VWA7: variants seen among roughly 807,000 people sequenced by gnomAD.
VWA7 encodes the protein von Willebrand factor A domain-containing protein 7.
Under a neutral mutation model 83.1 loss-of-function variants are expected in VWA7, and 66 were observed. The observed-to-expected ratio is 0.79, with a 90% CI of 0.65 to 0.98. VWA7 has a LOEUF of 0.98. VWA7 is among the 50% of genes least tolerant of loss of function. The probability of loss-of-function intolerance (pLI) is 0.00; values close to 1 mark genes in which losing one functional copy is unlikely to be tolerated. For synonymous variants in VWA7, 424 were observed against 488.5 expected, an observed-to-expected ratio of 0.87 and a Z score of 1.74; for missense variants, 1,080 against 1,160.2, an observed-to-expected ratio of 0.93 and a Z score of 1.00.
In VWA7 at chr6:31,767,515, C is replaced by G; in HGVS notation, c.1637-1G>C. On this transcript the variant is annotated splice_acceptor_variant, in intron 11 of 16. Coordinates refer to ENST00000375688, the MANE Select transcript of VWA7 (RefSeq NM_025258.3). LOFTEE classifies it high-confidence loss of function. ...CCTTCCTCCTGGCCCTGGGAGACCC[C>G]TGGGGTCAGGGAAGAGATTGTCACA... 1 of 1,607,634 alleles carries G rather than the reference C, an allele frequency of 6.2e-7. No individual in the cohort carries two copies.
chr6:31,766,578 G>A lies in VWA7; in HGVS notation c.2069C>T (p.Thr690Met), dbSNP rs769145070. Residue 690 changes from threonine to methionine, a missense_variant, in exon 14 of 17, where the codon ACG becomes ATG. Coordinates refer to ENST00000375688, the MANE Select transcript of VWA7 (RefSeq NM_025258.3). The surrounding 1 kb of genome is among the most constrained non-coding windows in gnomAD (Gnocchi z 4.9). ...GAAGGGTCTAGGGGTGGACAGCAGC[G>A]TGGGCGACAGCGAGGCTGCGAGGAG... ...RGLLAASLSP[T>M]LLSTPRPFSL... 62 of 1,612,872 alleles carry A rather than the reference G, an allele frequency of 3.8e-5. No homozygotes were observed. The highest frequency in any genetic ancestry group is 3.5e-4 in the South Asian group (32 of 91,092).
chr6:31,776,701 A>G lies in VWA7; in HGVS notation c.79T>C (p.Ser27Pro). ...CTCCAGATGTTGGGGAAGAAGGCAG[A>G]TGTGGGGGGCAGCAACAGCTGCAGC... ...LLLQLLLPPT[S>P]AFFPNIWSLL... The change falls in exon 2 of 17, where the codon TCT becomes CCT. Residue 27 changes from serine to proline, a missense_variant. Coordinates refer to ENST00000375688, the MANE Select transcript of VWA7 (RefSeq NM_025258.3). This position sits in a 1 kb window ranked among gnomAD's most constrained non-coding sequence, Gnocchi z 6.2. 1.3e-6 allele frequency: 2 copies of G among 1,510,484 alleles called. No homozygotes were observed. Among genetic ancestry groups the G allele is most frequent in the Non-Finnish European group, 1.8e-6 (2 of 1,125,646 alleles). The allele number at this position is 1,510,484 out of a possible 1,614,324, so 93.6% of individuals were successfully genotyped here.
At position 31,773,196 on chromosome 6, in the gene VWA7, A is replaced by G; in HGVS notation, c.917+46T>C. On this transcript the variant is annotated intron_variant, in intron 6 of 16. Coordinates refer to ENST00000375688, the MANE Select transcript of VWA7 (RefSeq NM_025258.3). The surrounding 1 kb of genome is among the most constrained non-coding windows in gnomAD (Gnocchi z 5.3). ...CAGCGCCTGGTTTCTCCCTTCCCGC[A>G]GGAGCGCCTCCCCATGAAGGGGTCC... 1 of 1,590,272 alleles carries G rather than the reference A, an allele frequency of 6.3e-7. No homozygotes were observed.
Position 31,773,175 on chromosome 6 carries a change from G to A in VWA7, c.918-52C>T, listed in dbSNP as rs575777619. 4.8e-5 allele frequency: 77 copies of A among 1,593,656 alleles called. No homozygotes were observed. The African/African-American group carries it at 6.8e-4, about 14-fold the overall frequency. Reference sequence around the variant, plus strand: ...AAGGGCCTGCACGTTTGTCCCCAGCGCCTGGTTTCTCCCTTCCCGCAGGAG... The same window carrying A: ...AAGGGCCTGCACGTTTGTCCCCAGCACCTGGTTTCTCCCTTCCCGCAGGAG... On this transcript the variant is annotated intron_variant, in intron 6 of 16. Transcript: ENST00000375688. The surrounding 1 kb of genome is among the most constrained non-coding windows in gnomAD (Gnocchi z 5.3).
rs1812698911 is a variant in VWA7 at position 31,776,467 on chromosome 6, A to G, written c.234+79T>C. 7 of 1,351,338 alleles carry G rather than the reference A, an allele frequency of 5.2e-6. No individual in the cohort carries two copies. The South Asian group carries it at 1.0e-4, about 19-fold the overall frequency. 83.7% of individuals were successfully genotyped at this position (1,351,338 alleles called of 1,614,324 possible). A position where few individuals can be genotyped will look rare whatever the true frequency, so the allele number is the denominator to read the frequency against. On this transcript the variant is annotated intron_variant, in intron 2 of 16. Coordinates refer to ENST00000375688, the MANE Select transcript of VWA7 (RefSeq NM_025258.3). The surrounding 1 kb of genome is among the most constrained non-coding windows in gnomAD (Gnocchi z 6.2). ...GGCCATGGGTGTCTCTTCTCTTGGC[A>G]ACCAGAGCCCTCAAGGAGTAGAGGC...
rs772913115 is a variant in VWA7, at chr6:31,769,013, C to T, written c.1503+5G>A. The T allele has an allele frequency of 6.2e-7, 1 of 1,608,098 alleles. No homozygotes were observed. Among genetic ancestry groups the T allele is most frequent in the Non-Finnish European group, 8.5e-7 (1 of 1,177,852 alleles). The stretch of plus-strand genomic sequence containing the variant: ...TCCTAAGTGAGGGCCCTGGCCCCCA[C>T]TTACCAGGGCAGCCATGCTCTCCCC... On this transcript the variant is annotated splice_donor_5th_base_variant and intron_variant, in intron 10 of 16. Transcript: ENST00000375688. This position sits in a 1 kb window ranked among gnomAD's most constrained non-coding sequence, Gnocchi z 4.5.
rs2151394529 is a variant in VWA7 at position 31,769,401 on chromosome 6, T to C, written c.1318-198A>G. The stretch of plus-strand genomic sequence containing the variant: ...TAGTAGTTGGCCACCCCCTTGTAAC[T>C]GTCACAGTGGATTTTTGGCGACTAG... On this transcript the variant is annotated intron_variant, in intron 9 of 16. Transcript: ENST00000375688. The surrounding 1 kb of genome is among the most constrained non-coding windows in gnomAD (Gnocchi z 4.5). Among the ~76,000 whole-genome samples the C allele has an allele frequency of 6.6e-6, 1 of 152,336 alleles. No homozygotes were observed. Among genetic ancestry groups the C allele is most frequent in the African/African-American group, 2.4e-5 (1 of 41,574 alleles).
At position 31,766,140 on chromosome 6, in the gene VWA7, AGAG is replaced by A. The variant is rs1170990921; in HGVS notation, c.2325-86_2325-84del. ...GACGCCTGCAGGGGCACGGGAGCGG[AGAG>A]GAGGATTCTGAGGGCCAGTCGGAGG... On this transcript the variant is annotated intron_variant, in intron 15 of 16. Coordinates refer to ENST00000375688, the MANE Select transcript of VWA7 (RefSeq NM_025258.3). This position sits in a 1 kb window ranked among gnomAD's most constrained non-coding sequence, Gnocchi z 4.9. 80 of 1,594,902 alleles carry A rather than the reference AGAG, an allele frequency of 5.0e-5. No individual in the cohort carries two copies. Among genetic ancestry groups the A allele is most frequent in the Non-Finnish European group, 6.5e-5 (76 of 1,169,588 alleles).
chr6:31,772,579 CTTTTCT>C (rs1812286173), intron 7 of VWA7, among the ~76,000 whole-genome samples: 1 of 72,004 alleles, frequency 1.4e-5, no homozygotes, highest in Non-Finnish European at 2.7e-5. Flanking sequence ...TTTTTTCTTT[CTTTTCT>C]TTTTTTTTTT....
In VWA7 at chr6:31,769,759, A is replaced by C. The variant is rs892910509; in HGVS notation, c.1233T>G (p.Asp411Glu). ...LALLHTPPLS[D>E]IFVFTDASPK... ...GGGAGGCATCCGTGAAGACAAAGAT[A>C]TCTGAGAGTGGAGGTGTGTGCAGCA... The change falls in exon 9 of 17, where the codon GAT becomes GAG. Residue 411 changes from aspartate (D) to glutamate (E), a missense_variant. By Grantham distance (45) the Asp-to-Glu change is conservative. Coordinates refer to ENST00000375688, the MANE Select transcript of VWA7 (RefSeq NM_025258.3). This position sits in a 1 kb window ranked among gnomAD's most constrained non-coding sequence, Gnocchi z 4.5. 16 of 1,613,134 alleles carry C rather than the reference A, an allele frequency of 9.9e-6. No individual in the cohort carries two copies. The highest frequency in any genetic ancestry group is 1.4e-5 in the Non-Finnish European group (16 of 1,180,040).
At position 31,773,570 on chromosome 6, in the gene VWA7, G is replaced by A. The variant is rs1333802673; in HGVS notation, c.722-133C>T. 3.1e-5 allele frequency: 29 copies of A among 943,274 alleles called. No individual in the cohort carries two copies. The highest frequency in any genetic ancestry group is 4.0e-5 in the Non-Finnish European group (26 of 655,590). 58.4% of individuals were successfully genotyped at this position (943,274 alleles called of 1,614,324 possible). A position where few individuals can be genotyped will look rare whatever the true frequency, so the allele number is the denominator to read the frequency against. On this transcript the variant is annotated intron_variant, in intron 5 of 16. Coordinates refer to ENST00000375688, the MANE Select transcript of VWA7 (RefSeq NM_025258.3). The surrounding 1 kb of genome is among the most constrained non-coding windows in gnomAD (Gnocchi z 5.3). ...TTCAGCAAGAAATGATGACGGGGTT[G>A]GCGCGGTGGCTCACGCCTGGAATCC...
At position 31,775,574 on chromosome 6, in the gene VWA7, C is replaced by G; in HGVS notation, c.514-145G>C. On this transcript the variant is annotated intron_variant, in intron 3 of 16. Transcript: ENST00000375688. The surrounding 1 kb of genome is among the most constrained non-coding windows in gnomAD (Gnocchi z 5.9). ...GCTCCCACCAGACACCCCAAGTCCC[C>G]TCCACTGCCCTCTCTCCATTGCTCA... The G allele has an allele frequency of 1.5e-6, 1 of 678,276 alleles. No homozygotes were observed. The highest frequency in any genetic ancestry group is 2.7e-5 in the East Asian group (1 of 36,464). 42.0% of individuals were successfully genotyped at this position (678,276 alleles called of 1,614,324 possible). A position where few individuals can be genotyped will look rare whatever the true frequency, so the allele number is the denominator to read the frequency against.
chr6:31,769,164 C>A lies in VWA7; in HGVS notation c.1357G>T (p.Gly453Cys), dbSNP rs775892596. The part of the protein sequence containing the change: ...LVTEDTSRVQ[G>C]RARREILSPL... ...GACAAGATCTCACGCCGAGCTCGAC[C>A]CTGAACCCTTGATGTATCTTCAGTC... The change falls in exon 10 of 17, where the codon GGT (glycine) becomes TGT (cysteine). Residue 453 changes from glycine to cysteine, a missense_variant. Transcript: ENST00000375688. The surrounding 1 kb of genome is among the most constrained non-coding windows in gnomAD (Gnocchi z 4.5). 2.5e-6 allele frequency: 4 copies of A among 1,613,070 alleles called. No homozygotes were observed. The highest frequency in any genetic ancestry group is 3.4e-6 in the Non-Finnish European group (4 of 1,180,026).
At position 31,766,060 on chromosome 6, in the gene VWA7, GGA is replaced by G. The variant is rs1242166173; in HGVS notation, c.2325-5_2325-4del. On this transcript the variant is annotated splice_polypyrimidine_tract_variant and splice_region_variant and intron_variant, in intron 15 of 16. Coordinates refer to ENST00000375688, the MANE Select transcript of VWA7 (RefSeq NM_025258.3). This position sits in a 1 kb window ranked among gnomAD's most constrained non-coding sequence, Gnocchi z 4.9. ...ACTCATTCAGTTCCAGGTGAGCCCT[GGA>G]GAGAGGATATAGGCGTCGCTAAAGC... is the stretch of plus-strand genomic sequence containing the variant. The G allele has an allele frequency of 3.1e-6, 5 of 1,612,960 alleles. No individual in the cohort carries two copies. The highest frequency in any genetic ancestry group is 4.2e-6 in the Non-Finnish European group (5 of 1,180,030).
intron 7 of VWA7, among the ~76,000 whole-genome samples, chr6:31,772,195 GA>G (rs1340009119): frequency 2.6e-5 from 4 of 151,506 alleles, no homozygotes; most frequent in African/African-American, 9.7e-5. Flanking sequence ...GGCCGCTCTG[GA>G]GTGCAGTAGT....
chr6:31,774,424 G>T, intron 5 of VWA7, 92 bp downstream of exon 5: 1 of 1,210,644 alleles, frequency 8.3e-7, no homozygotes, highest in Non-Finnish European at 1.2e-6. Context: ...AGGAGGAGAT[G>T]CCATAGCAAA....
chr6:31,776,443 G>T lies in VWA7; in HGVS notation c.234+103C>A. 1.6e-6 allele frequency: 2 copies of T among 1,246,428 alleles called. No individual in the cohort carries two copies. The highest frequency in any genetic ancestry group is 2.2e-6 in the Non-Finnish European group (2 of 910,596). 77.2% of individuals were successfully genotyped at this position (1,246,428 alleles called of 1,614,324 possible). A position where few individuals can be genotyped will look rare whatever the true frequency, so the allele number is the denominator to read the frequency against. ...TGGGTATTATTGCTGCAGGGGTGGG[G>T]CCATGGGTGTCTCTTCTCTTGGCAA... is the stretch of plus-strand genomic sequence containing the variant. On this transcript the variant is annotated intron_variant, in intron 2 of 16. Transcript: ENST00000375688. This position sits in a 1 kb window ranked among gnomAD's most constrained non-coding sequence, Gnocchi z 6.2.
rs1398767919 is a variant in VWA7 at position 31,775,563 on chromosome 6, C to A, written c.514-134G>T. The A allele has an allele frequency of 4.2e-6, 3 of 718,272 alleles. No homozygotes were observed. Among genetic ancestry groups the A allele is most frequent in the Non-Finnish European group, 6.9e-6 (3 of 435,066 alleles). The allele number at this position is 718,272 out of a possible 1,614,324, so 44.5% of individuals were successfully genotyped here. On this transcript the variant is annotated intron_variant, in intron 3 of 16. Transcript: ENST00000375688. The surrounding 1 kb of genome is among the most constrained non-coding windows in gnomAD (Gnocchi z 5.9). ...CCACCCCTACTGCTCCCACCAGACACCCCAAGTCCCCTCCACTGCCCTCTC... is the reference window on the plus strand; with the variant it reads ...CCACCCCTACTGCTCCCACCAGACAACCCAAGTCCCCTCCACTGCCCTCTC...
chr6:31,772,336 A>C (rs950364486), intron 7 of VWA7, among the ~76,000 whole-genome samples: 1 of 151,770 alleles, frequency 6.6e-6, no homozygotes, highest in African/African-American at 2.4e-5. Flanking sequence ...TTTTTTGTAG[A>C]GACCTGTGTT....
Sources: allele counts gnomAD v4.1 joint callset (sites outside exome capture counted in the v4.1 genomes callset), GRCh38; gene constraint gnomAD v4.1.1; non-coding constraint Gnocchi (gnomAD v3.1); transcripts MANE v1.5; gene names NCBI Gene and HGNC (gene_info 2026-07-23, HGNC 2026-07-21).